GAB2: variants seen among roughly 807,000 people sequenced by gnomAD.
GAB2 encodes the protein GRB2-associated-binding protein 2.
GAB2 carries 26 observed loss-of-function variants against 65.5 expected under a neutral mutation model. The observed-to-expected ratio is 0.40, with a 90% confidence interval of 0.29 to 0.55. The LOEUF is 0.55. Among genes scored for constraint, GAB2 ranks in the 20% least tolerant of loss-of-function variants. The pLI, the probability that GAB2 is intolerant of heterozygous loss-of-function variation, is 0.53. For missense variants in GAB2, 884 were observed against 875.8 expected (o/e 1.01, Z -0.12); for synonymous variants, 321 against 329.6 (o/e 0.97, Z 0.28).
intron 1 of GAB2, among the ~76,000 whole-genome samples, chr11:78,369,696 T>C (rs556406440): frequency 2.6e-5 from 4 of 152,204 alleles, no homozygotes; most frequent in Non-Finnish European, 5.9e-5. Context: ...ATAAGGATGG[T>C]CATTTCAGCA....
chr11:78,303,599 G>A (rs1227406272), intron 1 of GAB2, among the ~76,000 whole-genome samples: 1 of 152,158 alleles, frequency 6.6e-6, no homozygotes, highest in East Asian at 1.9e-4. Flanking sequence ...GGTAGTGTAA[G>A]TTCTCCAACT....
At chr11:78,345,079 A>C (rs892000100) in intron 1 of GAB2, among the ~76,000 whole-genome samples, 1 of 152,366 alleles carries the variant, frequency 6.6e-6, no homozygotes, top group African/African-American at 2.4e-5. Context: ...TAGGAGTTCA[A>C]GACCAGCCCG....
chr11:78,301,966 C>T (rs1867032412), intron 1 of GAB2, among the ~76,000 whole-genome samples: 1 of 152,130 alleles, frequency 6.6e-6, no homozygotes, highest in South Asian at 2.1e-4. Context: ...ACAAACAGTG[C>T]TGGGATAACT....
intron 1 of GAB2, among the ~76,000 whole-genome samples, chr11:78,291,237 G>A (rs1029393052): frequency 6.7e-6 from 1 of 148,932 alleles, no homozygotes; most frequent in African/African-American, 2.5e-5. Flanking sequence ...CAGATCACGA[G>A]GTCAGGAGAT....
intron 1 of GAB2, among the ~76,000 whole-genome samples, chr11:78,363,447 A>G (rs1368858186): frequency 1.3e-5 from 2 of 152,220 alleles, no homozygotes; most frequent in African/African-American, 4.8e-5. Flanking sequence ...CCTCTTAAAA[A>G]TATGTATTCT....
intron 1 of GAB2, among the ~76,000 whole-genome samples, chr11:78,332,381 G>A (rs1028671362): frequency 7.9e-5 from 12 of 152,092 alleles, no homozygotes; most frequent in African/African-American, 2.4e-4. Context: ...TTTGCCTGGG[G>A]GAGAAGCTTA....
chr11:78,310,390 G>A (rs1466237422), intron 1 of GAB2, among the ~76,000 whole-genome samples: 4 of 150,798 alleles, frequency 2.7e-5, no homozygotes, highest in Admixed American at 6.6e-5. Flanking sequence ...GTGGGCGCCT[G>A]TAGTCCCAGC....
At chr11:78,396,120 A>T (rs753734662) in intron 1 of GAB2, among the ~76,000 whole-genome samples, 2 of 152,230 alleles carry the variant, frequency 1.3e-5, no homozygotes, top group Non-Finnish European at 2.9e-5. Flanking sequence ...TCATATACTA[A>T]TGACTAATCA....
intron 3 of GAB2, chr11:78,231,902 A>C (rs1221422928): frequency 6.6e-6 from 1 of 152,226 alleles, no homozygotes; most frequent in Admixed American, 6.5e-5. Context: ...TGTAACTGTC[A>C]CTGGCCATGT....
chr11:78,254,160 G>C (rs1046166212), intron 2 of GAB2, among the ~76,000 whole-genome samples: 14 of 152,116 alleles, frequency 9.2e-5, no homozygotes, highest in Non-Finnish European at 1.9e-4. Flanking sequence ...GCAGCTATAA[G>C]GATGAAAAGA....
chr11:78,402,887 G>C (rs1276312684), intron 1 of GAB2, among the ~76,000 whole-genome samples: 1 of 152,140 alleles, frequency 6.6e-6, no homozygotes, highest in African/African-American at 2.4e-5. Flanking sequence ...AATCCCTAAA[G>C]TGACCGTATT....
At position 78,227,002 on chromosome 11, in the gene GAB2, C is replaced by T; in HGVS notation, c.670G>A (p.Asp224Asn). 6.2e-7 allele frequency: 1 copy of T among 1,613,576 alleles called. No individual in the cohort carries two copies. Among genetic ancestry groups the T allele is most frequent in the Non-Finnish European group, 8.5e-7 (1 of 1,179,896 alleles). The stretch of plus-strand genomic sequence containing the variant: ...TGGGCAAGTTTTTGTACAGCTGTGT[C>T]ACTCCTCATGAGAAAAGAGGCTCTG... ...GTRASFLMRS[D>N]TAVQKLAQGN... The change falls in exon 4 of 10, where the codon GAC (aspartate) becomes AAC (asparagine). Residue 224 changes from aspartate to asparagine, a missense_variant. Asp to Asn is a conservative substitution (Grantham distance 23). Transcript: ENST00000361507.
rs116629367 is a variant in GAB2, at chr11:78,337,003, C to T, written c.76-56102G>A. Among the ~76,000 whole-genome samples, 645 of 152,274 alleles carry T rather than the reference C, an allele frequency of 4.2e-3. 4 individuals are homozygous for T. The highest frequency in any genetic ancestry group is 0.014 in the African/African-American group (594 of 41,552). On this transcript the variant is annotated intron_variant, in intron 1 of 9. Coordinates refer to ENST00000361507, the MANE Select transcript of GAB2 (RefSeq NM_080491.3). Reference sequence around the variant, plus strand: ...CTGCTCAGAAATCTGACTGTGAGTACTCCAGCATCTACCTACCTTTGACTA... The same window carrying T: ...CTGCTCAGAAATCTGACTGTGAGTATTCCAGCATCTACCTACCTTTGACTA...
chr11:78,249,279 A>C (rs1865382327), intron 3 of GAB2, among the ~76,000 whole-genome samples: 1 of 152,172 alleles, frequency 6.6e-6, no homozygotes, highest in Non-Finnish European at 1.5e-5. Flanking sequence ...ATGTATGAAA[A>C]TATTCTCAAG....
intron 1 of GAB2, among the ~76,000 whole-genome samples, chr11:78,382,027 GT>G (rs1474490942): frequency 6.6e-6 from 1 of 152,200 alleles, no homozygotes; most frequent in Non-Finnish European, 1.5e-5. Context: ...TCAGTAACAA[GT>G]TTTACAAGTT....
chr11:78,235,079 T>C (rs1864948353), intron 3 of GAB2, among the ~76,000 whole-genome samples: 1 of 152,172 alleles, frequency 6.6e-6, no homozygotes, highest in South Asian at 2.1e-4. Flanking sequence ...CCCCATGGTC[T>C]TGGAGATTAA....
At chr11:78,370,388 T>C (rs1480151141) in intron 1 of GAB2, among the ~76,000 whole-genome samples, 1 of 152,224 alleles carries the variant, frequency 6.6e-6, no homozygotes, top group East Asian at 1.9e-4. Flanking sequence ...AAATATTACC[T>C]GATTTATGCT....
intron 2 of GAB2, among the ~76,000 whole-genome samples, chr11:78,257,913 G>C (rs1865635809): frequency 6.6e-6 from 1 of 151,984 alleles, no homozygotes; most frequent in Admixed American, 6.5e-5. Context: ...ATCTGAATCA[G>C]ATCTCACAGT....
intron 1 of GAB2, among the ~76,000 whole-genome samples, chr11:78,300,533 A>AAAAAAACG (rs1297674124): frequency 7.1e-6 from 1 of 140,080 alleles, no homozygotes; most frequent in Non-Finnish European, 1.5e-5. Flanking sequence ...ACAAAAAAAC[A>AAAAAAACG]AAAAACTACC....
Sources: gnomAD v4.1 joint callset for allele counts (sites outside exome capture counted in the v4.1 genomes callset) on GRCh38, gnomAD v4.1.1 for gene constraint, MANE v1.5 for transcripts, NCBI Gene and HGNC (gene_info 2026-07-23, HGNC 2026-07-21) for gene names.